The following PBX3 variants were observed in gnomAD, a reference collection of about 807,000 sequenced individuals.
The protein encoded by PBX3 is pre-B-cell leukemia transcription factor 3.
Under a neutral mutation model 48.5 loss-of-function variants are expected in PBX3, and 14 were observed. The observed-to-expected ratio is 0.29, with a 90% CI of 0.19 to 0.45. The LOEUF is 0.45. Among genes scored for constraint, PBX3 ranks in the 20% least tolerant of loss-of-function variants. The probability of loss-of-function intolerance (pLI) is 1.00; values close to 1 mark genes in which losing one functional copy is unlikely to be tolerated. For missense variants in PBX3, 386 were observed against 546.7 expected (o/e 0.71, Z 2.93); for synonymous variants, 210 against 200.3 (o/e 1.05, Z -0.41).
chr9:125,823,128 T>C (rs1838704155), intron 2 of PBX3, among the ~76,000 whole-genome samples: 1 of 152,338 alleles, frequency 6.6e-6, no homozygotes, highest in Admixed American at 6.5e-5. Flanking sequence ...ATGACGCTTC[T>C]GTGGTTCTTG....
intron 2 of PBX3, among the ~76,000 whole-genome samples, chr9:125,807,136 A>G (rs1838148128): frequency 6.6e-6 from 1 of 152,220 alleles, no homozygotes; most frequent in Admixed American, 6.5e-5. Flanking sequence ...CAGCCTGGCC[A>G]ACATGGCACA....
intron 2 of PBX3, among the ~76,000 whole-genome samples, chr9:125,911,604 A>G (rs2132453359): frequency 6.6e-6 from 1 of 152,272 alleles, no homozygotes; most frequent in South Asian, 2.1e-4. Flanking sequence ...CTTGTTTTAC[A>G]TGGCACTCTG....
intron 2 of PBX3, among the ~76,000 whole-genome samples, chr9:125,851,086 A>G (rs961175256): frequency 6.6e-6 from 1 of 152,158 alleles, no homozygotes; most frequent in Non-Finnish European, 1.5e-5. Context: ...ACACTGTGGT[A>G]AACCATAGTG....
rs1054478671 is a variant in PBX3, at chr9:125,814,128, A to C, written c.274+65505A>C. On this transcript the variant is annotated intron_variant, in intron 2 of 8. Transcript: ENST00000373489. The stretch of plus-strand genomic sequence containing the variant: ...GTGAGCTTAGAGATCACGCTATTGC[A>C]CTCCAGCCTGGGCGACAGAGTGAGA... Among the ~76,000 whole-genome samples the C allele has an allele frequency of 1.5e-3, 165 of 112,174 alleles. 1 individual carries two copies. The highest frequency in any genetic ancestry group is 5.6e-3 in the African/African-American group (158 of 28,228). The allele number at this position is 112,174 out of a possible 152,430, so 73.6% of individuals were successfully genotyped here.
At chr9:125,754,495 A>G (rs1229443100) in intron 2 of PBX3, among the ~76,000 whole-genome samples, 1 of 152,126 alleles carries the variant, frequency 6.6e-6, no homozygotes, top group Non-Finnish European at 1.5e-5. Context: ...ACAAATTGCT[A>G]TCACATCTAG....
At chr9:125,813,569 A>G (rs943947170) in intron 2 of PBX3, among the ~76,000 whole-genome samples, 2 of 152,342 alleles carry the variant, frequency 1.3e-5, no homozygotes, top group African/African-American at 4.8e-5. Context: ...TGTTGGAACC[A>G]TTGTGTTTGC....
chr9:125,962,245 A>T (rs1453103327), intron 7 of PBX3, 31 bp downstream of exon 7: 2 of 1,285,520 alleles, frequency 1.6e-6, no homozygotes, highest in Admixed American at 3.4e-5. Context: ...GGGCCTTTCT[A>T]GCAGGGTAGG....
At chr9:125,807,486 T>C (rs1246419082) in intron 2 of PBX3, among the ~76,000 whole-genome samples, 1 of 152,220 alleles carries the variant, frequency 6.6e-6, no homozygotes, top group Non-Finnish European at 1.5e-5. Context: ...GTAAGGGCTC[T>C]GAATTCAGAT....
intron 2 of PBX3, among the ~76,000 whole-genome samples, chr9:125,907,585 G>A (rs999147258): frequency 6.6e-6 from 1 of 151,934 alleles, no homozygotes; most frequent in Non-Finnish European, 1.5e-5. Flanking sequence ...TCTTGAGTTC[G>A]TGGTATCCCT....
chr9:125,926,851 GATAA>G (rs1841590203), intron 3 of PBX3, among the ~76,000 whole-genome samples: 1 of 152,106 alleles, frequency 6.6e-6, no homozygotes, highest in Non-Finnish European at 1.5e-5. Flanking sequence ...AAAATAAATT[GATAA>G]TATAGTGGGG....
chr9:125,823,069 T>A (rs188588390), intron 2 of PBX3, among the ~76,000 whole-genome samples: 1 of 152,300 alleles, frequency 6.6e-6, no homozygotes, highest in African/African-American at 2.4e-5. Flanking sequence ...TTTGCCTATT[T>A]AGCAAGTATG....
chr9:125,754,534 A>G (rs1479638810), intron 2 of PBX3, among the ~76,000 whole-genome samples: 1 of 152,096 alleles, frequency 6.6e-6, no homozygotes, highest in African/African-American at 2.4e-5. Flanking sequence ...GCAAATAATA[A>G]GTAATTCTTG....
At chr9:125,953,344 A>G (rs1842231993) in intron 5 of PBX3, among the ~76,000 whole-genome samples, 1 of 152,000 alleles carries the variant, frequency 6.6e-6, no homozygotes, top group Non-Finnish European at 1.5e-5. Flanking sequence ...GGCCGTAGTG[A>G]TGGGCACCTG....
At chr9:125,854,013 C>T (rs1839653684) in intron 2 of PBX3, among the ~76,000 whole-genome samples, 1 of 151,972 alleles carries the variant, frequency 6.6e-6, no homozygotes, top group Non-Finnish European at 1.5e-5. Flanking sequence ...TACATATATA[C>T]AAACACGCAA....
intron 4 of PBX3, among the ~76,000 whole-genome samples, chr9:125,931,674 C>T (rs1282511310): frequency 8.5e-5 from 13 of 152,284 alleles, no homozygotes; most frequent in Admixed American, 8.5e-4. Context: ...GTAAACAAGA[C>T]AGATTAATAT....
intron 2 of PBX3, among the ~76,000 whole-genome samples, chr9:125,880,073 C>G (rs1320855037): frequency 6.6e-6 from 1 of 152,200 alleles, no homozygotes; most frequent in Non-Finnish European, 1.5e-5. Flanking sequence ...GAGACAGAGT[C>G]TCACTCTGTT....
intron 2 of PBX3, among the ~76,000 whole-genome samples, chr9:125,811,478 C>T (rs941973733): frequency 2.6e-5 from 4 of 152,096 alleles, no homozygotes; most frequent in South Asian, 4.1e-4. Flanking sequence ...TCATGAGATC[C>T]GATGGTTTTA....
chr9:125,943,564 C>T (rs926978493), intron 5 of PBX3, among the ~76,000 whole-genome samples: 9 of 151,922 alleles, frequency 5.9e-5, no homozygotes, highest in Non-Finnish European at 1.0e-4. Context: ...CAGTTTTTCT[C>T]ATGCTAGTCT....
chr9:125,962,019 T>C, intron 6 of PBX3, 83 bp from the exon 7 acceptor site: 1 of 694,436 alleles, frequency 1.4e-6, no homozygotes, highest in Non-Finnish European at 2.6e-6. Flanking sequence ...TTCTGTACTT[T>C]TTCTCATCTC....
Sources: allele counts gnomAD v4.1 joint callset (sites outside exome capture counted in the v4.1 genomes callset), GRCh38; gene constraint gnomAD v4.1.1; transcripts MANE v1.5; gene names NCBI Gene and HGNC (gene_info 2026-07-23, HGNC 2026-07-21).